Variants in XG observed in about 807,000 individuals in gnomAD.
XG encodes the protein Xg glycoprotein (Xg blood group).
In XG, 24 loss-of-function variants were observed where a neutral mutation model predicts 25.7. The observed-to-expected ratio is 0.93, with a 90% CI of 0.68 to 1.31. The LOEUF (loss-of-function observed/expected upper bound fraction) is 1.31. Ranked by LOEUF, XG falls within the 40% of genes most tolerant of loss-of-function variation. XG has a pLI of 0.00. For missense variants in XG, 181 were observed against 187.6 expected (o/e 0.96, Z 0.21); for synonymous variants, 77 against 69.2 (o/e 1.11, Z -0.56).
In XG at chrX:2,815,253, T is replaced by C. The variant is rs1303961331; in HGVS notation, c.*873T>C. On this transcript the variant is annotated 3_prime_UTR_variant, in exon 11 of 11. Coordinates refer to ENST00000644266, the MANE Select transcript of XG (RefSeq NM_001141919.2). ...GTAGGAAGTCTTAAATCCTTAGGCA[T>C]CCAAGAAGTATACTAGCTTTTTGCT... The C allele has an allele frequency of 2.1e-4, 23 of 111,993 alleles. No homozygotes were observed. Among genetic ancestry groups the C allele is most frequent in the African/African-American group, 7.1e-4 (22 of 30,855 alleles). 9.2% of individuals were successfully genotyped at this position (111,993 alleles called of 1,213,427 possible). A position where few individuals can be genotyped will look rare whatever the true frequency, so the allele number is the denominator to read the frequency against.
chrX:2,761,594 AT>A lies in XG; in HGVS notation c.62-8955del, dbSNP rs1314741934. ...CTCAGGAGGAAACAGCCTTGCCCATATCCTGATCTCAAGACGTCCAGCCTCC... is the reference window on the plus strand; with the variant it reads ...CTCAGGAGGAAACAGCCTTGCCCATACCTGATCTCAAGACGTCCAGCCTCC... On this transcript the variant is annotated intron_variant, in intron 1 of 10. Coordinates refer to ENST00000644266, the MANE Select transcript of XG (RefSeq NM_001141919.2). Among the ~76,000 whole-genome samples, 6 of 150,220 alleles carry A rather than the reference AT, an allele frequency of 4.0e-5. No homozygotes were observed. In the East Asian group the frequency reaches 9.8e-4, roughly 24 times the overall value.
chrX:2,782,164 T>C (rs1228577466), intron 4 of XG, 36 bp downstream of exon 4: 3 of 1,197,256 alleles, frequency 2.5e-6, no homozygotes, highest in African/African-American at 3.5e-5. Flanking sequence ...TTTCTCAATC[T>C]GGTTTGATGA....
At chrX:2,775,856 T>C (rs938245708) in intron 3 of XG, among the ~76,000 whole-genome samples, 2 of 146,806 alleles carry the variant, frequency 1.4e-5, no homozygotes, top group Admixed American at 7.0e-5. Flanking sequence ...CTCGGGAGGC[T>C]GAGGCAAGAG....
chrX:2,786,253 A>C (rs1603457486), intron 4 of XG, among the ~76,000 whole-genome samples: 2 of 30,699 alleles, frequency 6.5e-5, no homozygotes, highest in African/African-American at 1.0e-4. Flanking sequence ...GCTCCTATCC[A>C]TGTTGTCTTT....
chrX:2,765,185 A>C (rs9645198), intron 1 of XG, among the ~76,000 whole-genome samples: 17,577 of 151,698 alleles, frequency 0.12, 1,171 homozygotes, highest in Admixed American at 0.18. Flanking sequence ...ATCTCTACTA[A>C]AAATAAAAAA....
chrX:2,797,280 T>C, intron 6 of XG, 30 bp from the exon 7 acceptor site: 3 of 1,208,590 alleles, frequency 2.5e-6, no homozygotes, highest in Non-Finnish European at 3.4e-6. Flanking sequence ...CACCTGAACA[T>C]CCCTCAACTC....
rs772199297 is a variant in XG, at chrX:2,812,989, G to A, written c.572-1375G>A. 3.6e-5 allele frequency among the ~76,000 whole-genome samples: 4 copies of A among 112,075 alleles called. No individual in the cohort carries two copies. In the South Asian group the frequency reaches 1.5e-3, roughly 42 times the overall value. The stretch of plus-strand genomic sequence containing the variant: ...ATATTTTAGTGCAATATTTTAGAAG[G>A]AAAATCATTGGAATGGGGGCCAGTT... On this transcript the variant is annotated intron_variant, in intron 10 of 10. Coordinates refer to ENST00000644266, the MANE Select transcript of XG (RefSeq NM_001141919.2).
chrX:2,762,769 C>G (rs2050593226), intron 1 of XG, among the ~76,000 whole-genome samples: 1 of 152,138 alleles, frequency 6.6e-6, no homozygotes, highest in Non-Finnish European at 1.5e-5. Flanking sequence ...TTTTTTTACT[C>G]TGTGAATCAT....
chrX:2,760,490 C>G (rs2050539220), intron 1 of XG, among the ~76,000 whole-genome samples: 1 of 150,924 alleles, frequency 6.6e-6, no homozygotes, highest in Non-Finnish European at 1.5e-5. Context: ...AATCCCAGCA[C>G]TTTGGGAGGC....
At chrX:2,775,973 GA>G (rs1569462814) in intron 3 of XG, among the ~76,000 whole-genome samples, 3 of 8,954 alleles carry the variant, frequency 3.4e-4, no homozygotes, top group African/African-American at 9.0e-4. Flanking sequence ...AAAAAAAAAA[GA>G]AAAGAAAAGA....
intron 1 of XG, among the ~76,000 whole-genome samples, chrX:2,761,455 A>G (rs1038233474): frequency 6.6e-6 from 1 of 152,038 alleles, no homozygotes; most frequent in African/African-American, 2.4e-5. Flanking sequence ...AGCAGCCTGC[A>G]ATGGACTAAG....
chrX:2,782,424 T>C (rs1242822947), intron 4 of XG, among the ~76,000 whole-genome samples: 2 of 111,698 alleles, frequency 1.8e-5, no homozygotes, highest in Non-Finnish European at 3.8e-5. Flanking sequence ...GGAACTGCAA[T>C]GGAGAAAGAG....
intron 1 of XG, among the ~76,000 whole-genome samples, chrX:2,769,669 C>T (rs1209637687): frequency 6.6e-6 from 1 of 152,092 alleles, no homozygotes; most frequent in African/African-American, 2.4e-5. Flanking sequence ...GACCCTTCAC[C>T]CTCACAAATT....
chrX:2,804,045 A>T (rs1283124241), intron 7 of XG, among the ~76,000 whole-genome samples: 4 of 110,733 alleles, frequency 3.6e-5, no homozygotes, highest in African/African-American at 1.3e-4. Context: ...GTTTCACCAT[A>T]TTGTTCCGGC....
At chrX:2,761,096 C>A (rs1415007651) in intron 1 of XG, among the ~76,000 whole-genome samples, 1 of 152,138 alleles carries the variant, frequency 6.6e-6, no homozygotes, top group Non-Finnish European at 1.5e-5. Flanking sequence ...TTGAATTGTG[C>A]GTCTCCAAAA....
chrX:2,774,698 TTC>T lies in XG; in HGVS notation c.104-12_104-11del, dbSNP rs780853837. ...ATCTTCAATGCATATTGCATTTATT[TTC>T]TCTCTTTGTTCACAGAACCCACCAA... is the stretch of plus-strand genomic sequence containing the variant. On this transcript the variant is annotated splice_polypyrimidine_tract_variant and intron_variant, in intron 2 of 10. Coordinates refer to ENST00000644266, the MANE Select transcript of XG (RefSeq NM_001141919.2). 1 of 1,613,908 alleles carries T rather than the reference TTC, an allele frequency of 6.2e-7. No homozygotes were observed. Among genetic ancestry groups the T allele is most frequent in the South Asian group, 1.1e-5 (1 of 91,070 alleles).
At chrX:2,775,530 G>A (rs1389436552) in intron 3 of XG, among the ~76,000 whole-genome samples, 1 of 152,180 alleles carries the variant, frequency 6.6e-6, no homozygotes, top group Non-Finnish European at 1.5e-5. Context: ...GGGAACGAAA[G>A]CATTCTGGAA....
In XG at chrX:2,758,767, C is replaced by T. The variant is rs186922157; in HGVS notation, c.61+6432C>T. ...GCCCCACAGAAAAGAATGATCCAAC[C>T]TCATATGTCAGTAGGACTGAGGCTG... On this transcript the variant is annotated intron_variant, in intron 1 of 10. Transcript: ENST00000644266. Among the ~76,000 whole-genome samples, 397 of 152,256 alleles carry T rather than the reference C, an allele frequency of 2.6e-3. 2 individuals are homozygous for T. Among genetic ancestry groups the T allele is most frequent in the Middle Eastern group, 0.01 (3 of 294 alleles).
chrX:2,805,138 C>G (rs371198992), intron 7 of XG, among the ~76,000 whole-genome samples: 1 of 112,311 alleles, frequency 8.9e-6, no homozygotes, highest in East Asian at 2.8e-4. Flanking sequence ...GGAGGCAGAG[C>G]GTGTTAGGCT....
Sources: gnomAD v4.1 joint callset for allele counts (sites outside exome capture counted in the v4.1 genomes callset) on GRCh38, gnomAD v4.1.1 for gene constraint, MANE v1.5 for transcripts, NCBI Gene and HGNC (gene_info 2026-07-23, HGNC 2026-07-21) for gene names.